The following TMEM132B variants were observed in gnomAD, a reference collection of about 807,000 sequenced individuals.
The protein encoded by TMEM132B is transmembrane protein 132B.
TMEM132B carries 18 observed loss-of-function variants against 90.8 expected under a neutral mutation model. The observed-to-expected ratio is 0.20, with a 90% CI of 0.14 to 0.29. The LOEUF (loss-of-function observed/expected upper bound fraction) is 0.29. Among genes scored for constraint, TMEM132B ranks in the 10% least tolerant of loss-of-function variants. The probability of loss-of-function intolerance (pLI) is 1.00; values close to 1 mark genes in which losing one functional copy is unlikely to be tolerated. For synonymous variants in TMEM132B, 504 were observed against 523.3 expected (o/e 0.96, Z 0.50); for missense variants, 1,096 against 1,326.8 (o/e 0.83, Z 2.70).
chr12:125,304,092 T>A (rs1038024340), intron 1 of TMEM132B, among the ~76,000 whole-genome samples: 5 of 152,356 alleles, frequency 3.3e-5, no homozygotes, highest in African/African-American at 1.2e-4. Context: ...GTTAGATTCT[T>A]ATAAGGAGCA....
At chr12:125,535,400 G>A (rs1883769884) in intron 4 of TMEM132B, among the ~76,000 whole-genome samples, 1 of 152,214 alleles carries the variant, frequency 6.6e-6, no homozygotes, top group Admixed American at 6.5e-5. Flanking sequence ...GTGAAATGCT[G>A]CTGAGATTTA....
At chr12:125,389,116 C>T (rs2136298771) in intron 2 of TMEM132B, among the ~76,000 whole-genome samples, 1 of 151,228 alleles carries the variant, frequency 6.6e-6, no homozygotes, top group South Asian at 2.1e-4. Context: ...CAGCTATGAG[C>T]AAGACAGATA....
chr12:125,462,670 A>G (rs1238439336), intron 3 of TMEM132B, among the ~76,000 whole-genome samples: 1 of 152,170 alleles, frequency 6.6e-6, no homozygotes, highest in Non-Finnish European at 1.5e-5. Flanking sequence ...TTGAACTCGG[A>G]GTAGATGTTG....
At chr12:125,362,411 C>A (rs1394651302) in intron 2 of TMEM132B, among the ~76,000 whole-genome samples, 1 of 152,152 alleles carries the variant, frequency 6.6e-6, no homozygotes, top group Non-Finnish European at 1.5e-5. Flanking sequence ...AAAAAAGAAA[C>A]CCCAAGGAGT....
At chr12:125,499,632 A>G (rs1435876852) in intron 3 of TMEM132B, among the ~76,000 whole-genome samples, 1 of 152,182 alleles carries the variant, frequency 6.6e-6, no homozygotes, top group African/African-American at 2.4e-5. Context: ...TGGATAAGAT[A>G]GGGCTATAAA....
Position 125,209,027 on chromosome 12 carries a change from C to T in TMEM132B, c.67+22161C>T, listed in dbSNP as rs76123878. ...TGCGGCCACTCGAATGTCAACTGAG[C>T]CCGGGGTTATTGATTTACAGGAGGC... On this transcript the variant is annotated intron_variant, in intron 1 of 8. Transcript: ENST00000682704. This position sits in a 1 kb window ranked among gnomAD's most constrained non-coding sequence, Gnocchi z 4.4. Among the ~76,000 whole-genome samples, 2,299 of 152,186 alleles carry T rather than the reference C, an allele frequency of 0.015. 40 individuals are homozygous for T. The highest frequency in any genetic ancestry group is 0.087 in the East Asian group (449 of 5,180).
At chr12:125,510,106 G>T (rs1882942035) in intron 3 of TMEM132B, among the ~76,000 whole-genome samples, 1 of 152,144 alleles carries the variant, frequency 6.6e-6, no homozygotes, top group Admixed American at 6.5e-5. Flanking sequence ...AAAGATAGAG[G>T]CAGTGGGGAA....
intron 4 of TMEM132B, among the ~76,000 whole-genome samples, chr12:125,532,265 A>G (rs1883665502): frequency 6.6e-6 from 1 of 152,222 alleles, no homozygotes; most frequent in Admixed American, 6.5e-5. Flanking sequence ...GCAACAAAGT[A>G]GTGGAATTCC....
chr12:125,529,566 G>C (rs745593838), intron 4 of TMEM132B, among the ~76,000 whole-genome samples: 2 of 152,150 alleles, frequency 1.3e-5, no homozygotes, highest in Admixed American at 1.3e-4. Flanking sequence ...TTTGCTGGTC[G>C]CTGGGATTCA....
At chr12:125,193,805 T>A (rs971679006) in intron 1 of TMEM132B, among the ~76,000 whole-genome samples, 1 of 152,194 alleles carries the variant, frequency 6.6e-6, no homozygotes, top group Non-Finnish European at 1.5e-5. Context: ...AATCCCACAC[T>A]CTGTCATTCT....
chr12:125,505,166 C>CAAAAAAAAAAAAAAAAAAAAAAAAAAAA (rs71306287), intron 3 of TMEM132B, among the ~76,000 whole-genome samples: 1 of 28,590 alleles, frequency 3.5e-5, no homozygotes, highest in African/African-American at 1.1e-4. Flanking sequence ...CACCAGAGGA[C>CAAAAAAAAAAAAAAAAAAAAAAAAAAAA]AAAAAAAAAA....
chr12:125,208,887 G>A (rs1237599942), intron 1 of TMEM132B, among the ~76,000 whole-genome samples: 2 of 152,168 alleles, frequency 1.3e-5, no homozygotes, highest in East Asian at 1.9e-4. Context: ...GGCTGCCCTC[G>A]TGTGCCCCTT....
intron 1 of TMEM132B, among the ~76,000 whole-genome samples, chr12:125,261,957 A>G (rs1343699423): frequency 6.6e-6 from 1 of 152,156 alleles, no homozygotes; most frequent in South Asian, 2.1e-4. Flanking sequence ...CGGCCTCCCA[A>G]AGTGCTTGGG....
intron 3 of TMEM132B, among the ~76,000 whole-genome samples, chr12:125,493,560 C>T (rs907536727): frequency 1.3e-5 from 2 of 152,108 alleles, no homozygotes; most frequent in African/African-American, 2.4e-5. Context: ...TCTTTTCTTC[C>T]CTGCTGTGTG....
chr12:125,601,393 A>AT (rs1319725307), intron 5 of TMEM132B, among the ~76,000 whole-genome samples: 15 of 152,234 alleles, frequency 9.9e-5, no homozygotes, highest in Non-Finnish European at 2.9e-5. Context: ...AAAGATAGAA[A>AT]TCAAGAAGTT....
chr12:125,408,655 C>T lies in TMEM132B; in HGVS notation c.960-6876C>T, dbSNP rs558116494. On this transcript the variant is annotated intron_variant, in intron 2 of 8. Transcript: ENST00000682704. The surrounding 1 kb of genome is among the most constrained non-coding windows in gnomAD (Gnocchi z 5.9). ...CATTTTGGGTTGTTTCCATTTTGGG[C>T]TGATGGCAGGGCTGTCGTGCACCTT... Among the ~76,000 whole-genome samples, 1 of 152,290 alleles carries T rather than the reference C, an allele frequency of 6.6e-6. No individual in the cohort carries two copies. Among genetic ancestry groups the T allele is most frequent in the South Asian group, 2.1e-4 (1 of 4,816 alleles).
At chr12:125,644,810 C>G (rs1218926229) in intron 6 of TMEM132B, among the ~76,000 whole-genome samples, 2 of 152,140 alleles carry the variant, frequency 1.3e-5, no homozygotes, top group African/African-American at 4.8e-5. Flanking sequence ...CAACTTGTAC[C>G]TGTGTGACAT....
chr12:125,267,273 C>A (rs190230797), intron 1 of TMEM132B, among the ~76,000 whole-genome samples: 3 of 152,202 alleles, frequency 2.0e-5, no homozygotes, highest in Admixed American at 2.0e-4. Flanking sequence ...GTTGCCTCAT[C>A]TCTATAGGTG....
At position 125,299,616 on chromosome 12, in the gene TMEM132B, G is replaced by A. The variant is rs368022711; in HGVS notation, c.68-49836G>A. 3.3e-5 allele frequency among the ~76,000 whole-genome samples: 5 copies of A among 152,200 alleles called. No individual in the cohort carries two copies. In the South Asian group the frequency reaches 8.3e-4, roughly 25 times the overall value. On this transcript the variant is annotated intron_variant, in intron 1 of 8. Transcript: ENST00000682704. ...ATCCTTTGGTCTCCCCATCCCAGAA[G>A]CAGCACCTCATTGCTCCAAGTGTGT...
Sources: allele counts gnomAD v4.1 joint callset (sites outside exome capture counted in the v4.1 genomes callset), GRCh38; gene constraint gnomAD v4.1.1; non-coding constraint Gnocchi (gnomAD v3.1); transcripts MANE v1.5; gene names NCBI Gene and HGNC (gene_info 2026-07-23, HGNC 2026-07-21).